KLRG1: variants seen among roughly 807,000 people sequenced by gnomAD.
KLRG1 encodes the protein killer cell lectin-like receptor subfamily G member 1.
A neutral mutation model predicts 21.8 loss-of-function variants in KLRG1; 16 were observed. The observed-to-expected ratio is 0.73, with a 90% confidence interval of 0.50 to 1.11. The LOEUF is 1.11. Among genes scored for constraint, KLRG1 ranks in the 50% most tolerant of loss-of-function variants. KLRG1 has a pLI of 0.00. For synonymous variants in KLRG1, 69 were observed against 75.9 expected, an observed-to-expected ratio of 0.91 and a Z score of 0.47; for missense variants, 173 against 218.3, an observed-to-expected ratio of 0.79 and a Z score of 1.31.
intron 1 of KLRG1, among the ~76,000 whole-genome samples, chr12:8,960,444 G>C (rs1565535667): frequency 6.6e-6 from 1 of 152,176 alleles, no homozygotes; most frequent in African/African-American, 2.4e-5. Context: ...CACAGTGCTA[G>C]GAATAGTGTT....
chr12:9,066,431 T>C, the KLRG1 span: 1 of 152,488 alleles, frequency 6.6e-6, no homozygotes, highest in African/African-American at 2.4e-5. Flanking sequence ...GAGCCTGTGC[T>C]GGCACCTGGA....
the KLRG1 span, among the ~76,000 whole-genome samples, chr12:9,086,460 AT>A: frequency 1.3e-5 from 2 of 152,244 alleles, no homozygotes; most frequent in Non-Finnish European, 2.9e-5. Context: ...AGTGGGATTT[AT>A]CCCTGAGATG....
the KLRG1 span, chr12:9,079,785 G>C: frequency 6.2e-7 from 1 of 1,612,056 alleles, no homozygotes; most frequent in Non-Finnish European, 8.5e-7. Flanking sequence ...AAGATTTTGT[G>C]TGTTTTGCAT....
Position 8,989,571 on chromosome 12 carries a change from T to TA in KLRG1, c.-64dup. On this transcript the variant is annotated 5_prime_UTR_variant, in exon 1 of 5. Transcript: ENST00000356986. ...AGAGATTGGGCTGTTTCCTCACTGATACATATCCCTTCACACTTCTATAAT... is the reference window on the plus strand; with the variant it reads ...AGAGATTGGGCTGTTTCCTCACTGATAACATATCCCTTCACACTTCTATAAT... 1 of 1,013,106 alleles carries TA rather than the reference T, an allele frequency of 9.9e-7. No individual in the cohort carries two copies. The allele number at this position is 1,013,106 out of a possible 1,614,324, so 62.8% of individuals were successfully genotyped here.
At chr12:9,117,395 T>C in the KLRG1 span, among the ~76,000 whole-genome samples, 3 of 152,140 alleles carry the variant, frequency 2.0e-5, no homozygotes, top group Non-Finnish European at 4.4e-5. Flanking sequence ...TGATGGCATT[T>C]TGAACTATGG....
the KLRG1 span, among the ~76,000 whole-genome samples, chr12:9,082,536 G>A: frequency 4.9e-4 from 74 of 152,298 alleles, 1 homozygote; most frequent in African/African-American, 1.8e-3. Context: ...CAGAATTATA[G>A]GCTAGACTAA....
chr12:9,107,714 CT>C, the KLRG1 span: 4,735 of 1,569,618 alleles, frequency 3.0e-3, 129 homozygotes, highest in African/African-American at 0.057. Context: ...CTATTTATAT[CT>C]CCCCTTTAGC....
At chr12:8,983,342 T>TTGG (rs1946786892) in intron 1 of KLRG1, among the ~76,000 whole-genome samples, 2 of 151,892 alleles carry the variant, frequency 1.3e-5, no homozygotes, top group Non-Finnish European at 2.9e-5. Flanking sequence ...TTCATTTCTA[T>TTGG]TGGATACTTT....
At chr12:9,026,430 C>T in the KLRG1 span, among the ~76,000 whole-genome samples, 4 of 152,212 alleles carry the variant, frequency 2.6e-5, no homozygotes, top group East Asian at 7.7e-4. Flanking sequence ...TTTACTGCCA[C>T]TGGCAACAGA....
chr12:9,093,783 G>A, the KLRG1 span, among the ~76,000 whole-genome samples: 6 of 150,026 alleles, frequency 4.0e-5, no homozygotes, highest in Non-Finnish European at 7.4e-5. Flanking sequence ...AGGAGAGGCC[G>A]GGCGCGGTGG....
chr12:9,106,458 G>T, the KLRG1 span: 1 of 1,461,222 alleles, frequency 6.8e-7, no homozygotes, highest in Non-Finnish European at 9.5e-7. Flanking sequence ...AATGCCTGTT[G>T]TGTTTTCTCT....
chr12:8,969,783 CAG>C (rs1207162555), intron 1 of KLRG1, among the ~76,000 whole-genome samples: 2 of 152,036 alleles, frequency 1.3e-5, no homozygotes, highest in Admixed American at 1.3e-4. Context: ...TATCAGGAAT[CAG>C]GGAGGTAAAA....
At chr12:8,990,390 G>C (rs953710144) in intron 1 of KLRG1, 1 of 151,986 alleles carries the variant, frequency 6.6e-6, no homozygotes, top group African/African-American at 2.4e-5. Flanking sequence ...TTGTATCGTA[G>C]GCAGTGAACT....
chr12:9,060,947 C>T, the KLRG1 span, among the ~76,000 whole-genome samples: 1 of 152,034 alleles, frequency 6.6e-6, no homozygotes, highest in Non-Finnish European at 1.5e-5. Context: ...ATTAATATGT[C>T]TTGCTTTTGT....
chr12:9,154,805 G>C, the KLRG1 span: 1 of 1,614,150 alleles, frequency 6.2e-7, no homozygotes. Context: ...CTGGTGCCTT[G>C]GGTCTCTGAG....
chr12:9,028,507 G>A, the KLRG1 span, among the ~76,000 whole-genome samples: 8 of 148,620 alleles, frequency 5.4e-5, no homozygotes, highest in Non-Finnish European at 1.0e-4. Flanking sequence ...GCAGTGGCAC[G>A]ATCTCTGCTC....
chr12:9,148,940 G>T, the KLRG1 span: 1 of 1,584,376 alleles, frequency 6.3e-7, no homozygotes, highest in Non-Finnish European at 8.7e-7. Flanking sequence ...ATAGGACAGA[G>T]AATCCACCAA....
chr12:9,043,507 ACTTATG>A, the KLRG1 span, among the ~76,000 whole-genome samples: 1 of 152,244 alleles, frequency 6.6e-6, no homozygotes, highest in Non-Finnish European at 1.5e-5. Flanking sequence ...GAAATCTTAG[ACTTATG>A]CTTAAGAAGA....
the KLRG1 span, among the ~76,000 whole-genome samples, chr12:9,045,809 G>A: frequency 1.3e-5 from 2 of 152,032 alleles, no homozygotes; most frequent in Non-Finnish European, 2.9e-5. Flanking sequence ...ATCAGTGATA[G>A]ACCAGATAAA....
Sources: gnomAD v4.1 joint callset for allele counts (sites outside exome capture counted in the v4.1 genomes callset) on GRCh38, gnomAD v4.1.1 for gene constraint, MANE v1.5 for transcripts, NCBI Gene and HGNC (gene_info 2026-07-23, HGNC 2026-07-21) for gene names.